Variants in TMEM200A observed in about 807,000 individuals in gnomAD.
TMEM200A encodes two transmembrane C.
Under a neutral mutation model 24.3 loss-of-function variants are expected in TMEM200A, and 12 were observed. The ratio of observed to expected loss-of-function variants is 0.49; its 90% confidence interval spans 0.32 to 0.80. The LOEUF (loss-of-function observed/expected upper bound fraction) is 0.80, where lower values mean the gene tolerates loss of function less well. Ranked by LOEUF, TMEM200A falls within the 30% of genes least tolerant of loss-of-function variation. The probability of loss-of-function intolerance (pLI) is 0.04; values close to 1 mark genes in which losing one functional copy is unlikely to be tolerated. For missense variants in TMEM200A, 545 were observed against 614.4 expected (o/e 0.89, Z 1.19); for synonymous variants, 224 against 224.4 (o/e 1.00, Z 0.02).
At chr6:130,397,314 G>T in intron 2 of TMEM200A, among the ~76,000 whole-genome samples, 1 of 152,074 alleles carries the variant, frequency 6.6e-6, no homozygotes. Context: ...TTGCAAATAT[G>T]AAATTTAAAG....
At chr6:130,395,527 G>A (rs1343259861) in intron 2 of TMEM200A, among the ~76,000 whole-genome samples, 1 of 152,212 alleles carries the variant, frequency 6.6e-6, no homozygotes, top group Non-Finnish European at 1.5e-5. Context: ...AAGTAGCCCT[G>A]AAAATGTTTC....
rs149879667 is a variant in TMEM200A at position 130,411,942 on chromosome 6, G to A, written c.-17+26706G>A. Among the ~76,000 whole-genome samples the A allele has an allele frequency of 7.7e-4, 117 of 151,926 alleles. No homozygotes were observed. The East Asian group carries it at 0.02, about 26-fold the overall frequency. On this transcript the variant is annotated intron_variant, in intron 2 of 2. Transcript: ENST00000296978. The stretch of plus-strand genomic sequence containing the variant: ...TCCTTATTAAAGTATCAATGTATAC[G>A]TTTGTTTGTTTATATTATTATGGTC...
chr6:130,440,470 G>A lies in TMEM200A; in HGVS notation c.48G>A (p.Arg16=), dbSNP rs780852405. The change falls in exon 3 of 3, where the codon AGG becomes AGA. Residue 16 remains arginine, a synonymous_variant. Transcript: ENST00000296978. The part of the protein sequence containing the change: ...GVITGLAALK[R]QDSARSQQHV... The stretch of plus-strand genomic sequence containing the variant: ...TAACTGGCCTGGCCGCCTTGAAAAG[G>A]CAAGACTCTGCCAGATCACAGCAGC... The A allele has an allele frequency of 1.9e-6, 3 of 1,609,310 alleles. No homozygotes were observed. Among genetic ancestry groups the A allele is most frequent in the African/African-American group, 1.3e-5 (1 of 74,732 alleles).
intron 2 of TMEM200A, among the ~76,000 whole-genome samples, chr6:130,426,286 G>A (rs1292285162): frequency 1.3e-5 from 2 of 152,122 alleles, no homozygotes; most frequent in Non-Finnish European, 2.9e-5. Flanking sequence ...GATGACTCAT[G>A]GTCTCTGTAG....
chr6:130,378,855 T>C (rs1778530675), intron 1 of TMEM200A, among the ~76,000 whole-genome samples: 1 of 152,064 alleles, frequency 6.6e-6, no homozygotes, highest in Non-Finnish European at 1.5e-5. Flanking sequence ...ACAGACAGGG[T>C]AATTCAAAAA....
chr6:130,430,358 T>C (rs1006223608), intron 2 of TMEM200A, among the ~76,000 whole-genome samples: 12 of 152,066 alleles, frequency 7.9e-5, no homozygotes, highest in Admixed American at 5.9e-4. Flanking sequence ...GATTTCAACA[T>C]AGGAATTTTG....
At chr6:130,435,880 T>G (rs1260785350) in intron 2 of TMEM200A, among the ~76,000 whole-genome samples, 1 of 152,196 alleles carries the variant, frequency 6.6e-6, no homozygotes, top group African/African-American at 2.4e-5. Flanking sequence ...AGTCTGCATC[T>G]TCATACACTG....
intron 2 of TMEM200A, among the ~76,000 whole-genome samples, chr6:130,392,027 G>A (rs1778845944): frequency 6.6e-6 from 1 of 152,140 alleles, no homozygotes; most frequent in African/African-American, 2.4e-5. Flanking sequence ...ACAGGCGTGA[G>A]CCACCACACA....
At chr6:130,372,049 A>T (rs1339487496) in intron 1 of TMEM200A, among the ~76,000 whole-genome samples, 3 of 152,184 alleles carry the variant, frequency 2.0e-5, no homozygotes, top group African/African-American at 7.2e-5. Context: ...CAGGAAATGG[A>T]GGCTCAGAAG....
upstream of TMEM200A, chr6:130,365,789 C>G (rs577226499): frequency 1.0e-6 from 1 of 985,472 alleles, no homozygotes; most frequent in South Asian, 4.7e-5. Flanking sequence ...AACTTTGTGG[C>G]CGGGACGCGG....
intron 2 of TMEM200A, among the ~76,000 whole-genome samples, chr6:130,430,018 G>A (rs1779838516): frequency 6.6e-6 from 1 of 152,180 alleles, no homozygotes; most frequent in African/African-American, 2.4e-5. Flanking sequence ...ATTTTGTACT[G>A]CTGGGTTTTT....
chr6:130,382,050 G>T, intron 1 of TMEM200A: 1 of 855,862 alleles, frequency 1.2e-6, no homozygotes. Context: ...TGATTCAGTT[G>T]AGATTTTTTT....
At chr6:130,435,759 G>T (rs1263730562) in intron 2 of TMEM200A, among the ~76,000 whole-genome samples, 1 of 152,240 alleles carries the variant, frequency 6.6e-6, no homozygotes, top group African/African-American at 2.4e-5. Context: ...GAAATTCAGT[G>T]TAGTAAAATC....
intron 2 of TMEM200A, among the ~76,000 whole-genome samples, chr6:130,393,160 GC>G (rs1237699303): frequency 6.6e-6 from 1 of 152,184 alleles, no homozygotes; most frequent in African/African-American, 2.4e-5. Context: ...CCAAAGAGAA[GC>G]TAAAAGCTGG....
chr6:130,394,204 C>T (rs1377435662), intron 2 of TMEM200A, among the ~76,000 whole-genome samples: 1 of 152,208 alleles, frequency 6.6e-6, no homozygotes, highest in Non-Finnish European at 1.5e-5. Flanking sequence ...CAACATCCTT[C>T]TCCTGAACCC....
At chr6:130,371,416 C>A (rs1778318972) in intron 1 of TMEM200A, among the ~76,000 whole-genome samples, 1 of 152,020 alleles carries the variant, frequency 6.6e-6, no homozygotes, top group Admixed American at 6.6e-5. Flanking sequence ...GAATTCAAAC[C>A]CTGGCAGTCG....
At chr6:130,419,721 C>T (rs1037937975) in intron 2 of TMEM200A, among the ~76,000 whole-genome samples, 2 of 152,170 alleles carry the variant, frequency 1.3e-5, no homozygotes, top group African/African-American at 4.8e-5. Context: ...TCCTTTGGCT[C>T]CTGACACCAG....
At chr6:130,376,449 A>G (rs578025896) in intron 1 of TMEM200A, among the ~76,000 whole-genome samples, 2 of 151,948 alleles carry the variant, frequency 1.3e-5, no homozygotes, top group Non-Finnish European at 2.9e-5. Flanking sequence ...TGCCTGGCTA[A>G]TTTTTGTATT....
At chr6:130,375,516 G>A (rs1410808644) in intron 1 of TMEM200A, among the ~76,000 whole-genome samples, 1 of 152,190 alleles carries the variant, frequency 6.6e-6, no homozygotes, top group African/African-American at 2.4e-5. Flanking sequence ...ACACAAACAG[G>A]AAACATATAA....
Sources: gnomAD v4.1 joint callset for allele counts (sites outside exome capture counted in the v4.1 genomes callset) on GRCh38, gnomAD v4.1.1 for gene constraint, MANE v1.5 for transcripts, NCBI Gene and HGNC (gene_info 2026-07-23, HGNC 2026-07-21) for gene names.